Variants in MAP3K2 observed in about 807,000 individuals in gnomAD.
The protein encoded by MAP3K2 is MAP/ERK kinase kinase 2.
MAP3K2 carries 24 observed loss-of-function variants against 80.3 expected under a neutral mutation model. The observed-to-expected ratio is 0.30, with a 90% CI of 0.22 to 0.42. The LOEUF is 0.42. MAP3K2 is among the 10% of genes least tolerant of loss of function. The pLI, the probability that MAP3K2 is intolerant of heterozygous loss-of-function variation, is 1.00. For synonymous variants in MAP3K2, 244 were observed against 253.7 expected (o/e 0.96, Z 0.36); for missense variants, 608 against 750.1 (o/e 0.81, Z 2.21).
intron 1 of MAP3K2, among the ~76,000 whole-genome samples, chr2:127,385,433 C>T (rs1204906819): frequency 6.6e-6 from 1 of 152,180 alleles, no homozygotes; most frequent in Non-Finnish European, 1.5e-5. Flanking sequence ...AATGCCATTG[C>T]ACACAATAGA....
Position 127,321,933 on chromosome 2 carries a change from T to C in MAP3K2, c.1045+113A>G. ...CTTTAGAAACACCATTATTACCTTT[T>C]TTGAGTAGTTCATCTGACCCCAAAA... On this transcript the variant is annotated intron_variant, in intron 12 of 16. Coordinates refer to ENST00000682094, the MANE Select transcript of MAP3K2 (RefSeq NM_001371910.2). The surrounding 1 kb of genome is among the most constrained non-coding windows in gnomAD (Gnocchi z 4.4). The C allele has an allele frequency of 2.4e-6, 2 of 847,264 alleles. No individual in the cohort carries two copies. The highest frequency in any genetic ancestry group is 3.8e-6 in the Non-Finnish European group (2 of 528,428). 52.5% of individuals were successfully genotyped at this position (847,264 alleles called of 1,614,324 possible). A position where few individuals can be genotyped will look rare whatever the true frequency, so the allele number is the denominator to read the frequency against.
rs909414626 is a variant in MAP3K2 at position 127,306,128 on chromosome 2, T to C, written c.*1451A>G. ...ATTCACCCTTGACTTAAAGCAGCAG[T>C]ATCTGATCTTGTAAAATCCTCAATT... On this transcript the variant is annotated 3_prime_UTR_variant, in exon 17 of 17. Coordinates refer to ENST00000682094, the MANE Select transcript of MAP3K2 (RefSeq NM_001371910.2). The surrounding 1 kb of genome is among the most constrained non-coding windows in gnomAD (Gnocchi z 4.7). The C allele has an allele frequency of 6.6e-6, 1 of 152,164 alleles. No individual in the cohort carries two copies. Among genetic ancestry groups the C allele is most frequent in the Non-Finnish European group, 1.5e-5 (1 of 68,002 alleles). 9.4% of individuals were successfully genotyped at this position (152,164 alleles called of 1,614,324 possible).
rs764792583 is a variant in MAP3K2, at chr2:127,335,949, G to C, written c.185C>G (p.Pro62Arg). The C allele has an allele frequency of 6.4e-7, 1 of 1,564,336 alleles. No homozygotes were observed. Among genetic ancestry groups the C allele is most frequent in the South Asian group, 1.2e-5 (1 of 85,314 alleles). Residue 62 changes from proline (P) to arginine (R), a missense_variant, in exon 5 of 17, where the codon CCA becomes CGA. Pro to Arg is a moderately radical substitution (Grantham distance 103). This residue lies in a region of MAP3K2 where 467 missense variants were observed against 521.9 expected (regional missense o/e 0.89). Coordinates refer to ENST00000682094, the MANE Select transcript of MAP3K2 (RefSeq NM_001371910.2). ...GEKRILQFPR[P>R]VKLEDLRSKA... ...AGATCTCAGATCTTCCAGTTTAACT[G>C]GTCTGGGGAACTGAAGGATTCTATA...
At chr2:127,320,790 T>C (rs1686004249) in intron 12 of MAP3K2, among the ~76,000 whole-genome samples, 1 of 152,080 alleles carries the variant, frequency 6.6e-6, no homozygotes, top group Non-Finnish European at 1.5e-5. Context: ...CTTCAGGAAG[T>C]ATATAAGCCA....
chr2:127,309,724 A>G (rs879630149), intron 15 of MAP3K2, among the ~76,000 whole-genome samples: 17 of 152,110 alleles, frequency 1.1e-4, no homozygotes, highest in Non-Finnish European at 2.1e-4. Context: ...ATGCCCCTCA[A>G]TTAGGATTTG....
At chr2:127,313,530 T>TCAAAG (rs1201920247) in intron 15 of MAP3K2, among the ~76,000 whole-genome samples, 1 of 152,192 alleles carries the variant, frequency 6.6e-6, no homozygotes, top group Non-Finnish European at 1.5e-5. Context: ...AATTAGGACG[T>TCAAAG]GCCACACCTC....
chr2:127,369,846 C>A (rs1056985897), intron 1 of MAP3K2, among the ~76,000 whole-genome samples: 1 of 152,120 alleles, frequency 6.6e-6, no homozygotes, highest in Non-Finnish European at 1.5e-5. Context: ...TCTCTTTTCT[C>A]TCTTAACTAA....
intron 1 of MAP3K2, among the ~76,000 whole-genome samples, chr2:127,362,621 G>C (rs1686910870): frequency 6.6e-6 from 1 of 152,040 alleles, no homozygotes; most frequent in Admixed American, 6.6e-5. Flanking sequence ...CCCTGATACT[G>C]TTATCAGGCA....
At chr2:127,373,106 C>T (rs748170233) in intron 1 of MAP3K2, among the ~76,000 whole-genome samples, 5 of 152,186 alleles carry the variant, frequency 3.3e-5, no homozygotes, top group African/African-American at 7.2e-5. Context: ...TCCCTGATTC[C>T]AATGGAAAGT....
chr2:127,355,973 CTT>C (rs1472698812), intron 1 of MAP3K2, among the ~76,000 whole-genome samples: 1 of 152,130 alleles, frequency 6.6e-6, no homozygotes, highest in African/African-American at 2.4e-5. Context: ...CAAGAAGCCA[CTT>C]TGTTTGCTTG....
chr2:127,317,448 G>A (rs1685928796), intron 14 of MAP3K2, among the ~76,000 whole-genome samples, 181 bp downstream of exon 14: 1 of 152,064 alleles, frequency 6.6e-6, no homozygotes, highest in Non-Finnish European at 1.5e-5. Flanking sequence ...TATCATTAAT[G>A]AGTTAAAAAA....
chr2:127,332,417 A>G (rs1415700714), intron 5 of MAP3K2, among the ~76,000 whole-genome samples: 1 of 152,262 alleles, frequency 6.6e-6, no homozygotes, highest in Admixed American at 6.5e-5. Flanking sequence ...AAAAAATATG[A>G]ACATAAATGA....
intron 1 of MAP3K2, among the ~76,000 whole-genome samples, chr2:127,350,654 A>G (rs947435996): frequency 1.3e-5 from 2 of 152,058 alleles, no homozygotes; most frequent in African/African-American, 4.8e-5. Flanking sequence ...AAAAATCAAC[A>G]AATGCTAAAG....
At position 127,387,907 on chromosome 2, in the gene MAP3K2, G is replaced by A. The variant is rs932353420; in HGVS notation, c.-521C>T. 3.0e-5 allele frequency: 29 copies of A among 981,906 alleles called. No individual in the cohort carries two copies. The highest frequency in any genetic ancestry group is 5.2e-4 in the Middle Eastern group (1 of 1,930). The allele number at this position is 981,906 out of a possible 1,614,324, so 60.8% of individuals were successfully genotyped here. A position where few individuals can be genotyped will look rare whatever the true frequency, so the allele number is the denominator to read the frequency against. The stretch of plus-strand genomic sequence containing the variant: ...CCCCCGAACGCTGCGCCCAGCGGCC[G>A]CGGCACCCTCGTCAGGCGCCGCCGC... On this transcript the variant is annotated 5_prime_UTR_variant, in exon 1 of 17. Transcript: ENST00000682094.
chr2:127,323,982 G>C lies in MAP3K2; in HGVS notation c.758C>G (p.Pro253Arg). The C allele has an allele frequency of 6.6e-7, 1 of 1,519,228 alleles. No individual in the cohort carries two copies. Among genetic ancestry groups the C allele is most frequent in the Non-Finnish European group, 9.0e-7 (1 of 1,112,364 alleles). 94.1% of individuals were successfully genotyped at this position (1,519,228 alleles called of 1,614,324 possible). A position where few individuals can be genotyped will look rare whatever the true frequency, so the allele number is the denominator to read the frequency against. ...NHQEFSDYDN[P>R]IFEKFGKGGT... ...TCCTTTTCCAAATTTCTCAAAGATAGGGTTATCATAGTCTGTTAAGACATA... is the reference window on the plus strand; with the variant it reads ...TCCTTTTCCAAATTTCTCAAAGATACGGTTATCATAGTCTGTTAAGACATA... Residue 253 changes from proline to arginine, a missense_variant, in exon 11 of 17, where the codon CCT becomes CGT. By Grantham distance (103) the Pro-to-Arg change is moderately radical. This residue lies in a region of MAP3K2 where 467 missense variants were observed against 521.9 expected (regional missense o/e 0.89). Transcript: ENST00000682094.
At chr2:127,387,392 A>ACACGCGCG (rs1553519996) in intron 1 of MAP3K2, 60 bp downstream of exon 1, 13 of 333,536 alleles carry the variant, frequency 3.9e-5, no homozygotes, top group African/African-American at 1.4e-4. Flanking sequence ...CCCGACACAC[A>ACACGCGCG]CGCGCGCACA....
chr2:127,387,191 C>A (rs1363356484), intron 1 of MAP3K2, among the ~76,000 whole-genome samples: 2 of 152,178 alleles, frequency 1.3e-5, no homozygotes, highest in Admixed American at 1.3e-4. Flanking sequence ...CTTCTAAAAT[C>A]TCTGCAGGGT....
chr2:127,357,054 T>C lies in MAP3K2; in HGVS notation c.-65-13860A>G, dbSNP rs150870533. ...CACAAAAATAAAATAATCATCCCAT[T>C]AAAACATGGGCAAAGGACATGAACA... On this transcript the variant is annotated intron_variant, in intron 1 of 16. Transcript: ENST00000682094. Among the ~76,000 whole-genome samples the C allele has an allele frequency of 3.6e-3, 545 of 152,186 alleles. 3 individuals are homozygous for C. Among genetic ancestry groups the C allele is most frequent in the African/African-American group, 0.012 (507 of 41,518 alleles).
chr2:127,345,389 T>C (rs1392813065), intron 1 of MAP3K2, among the ~76,000 whole-genome samples: 4 of 152,148 alleles, frequency 2.6e-5, no homozygotes, highest in African/African-American at 9.7e-5. Context: ...TGCAAAAAAG[T>C]ATAAAATTCA....
Sources: allele counts gnomAD v4.1 joint callset (sites outside exome capture counted in the v4.1 genomes callset), GRCh38; gene constraint gnomAD v4.1.1; regional missense constraint gnomAD v4.1.1; non-coding constraint Gnocchi (gnomAD v3.1); transcripts MANE v1.5; gene names NCBI Gene and HGNC (gene_info 2026-07-23, HGNC 2026-07-21).